The following ZRANB3 variants were observed in gnomAD, a reference collection of about 807,000 sequenced individuals.
ZRANB3 encodes the protein DNA annealing helicase and endonuclease ZRANB3.
Under a neutral mutation model 133.8 loss-of-function variants are expected in ZRANB3, and 125 were observed. The ratio of observed to expected loss-of-function variants is 0.93; its 90% CI spans 0.81 to 1.08. The LOEUF is 1.08. ZRANB3 is among the 50% of genes least tolerant of loss of function. The pLI is 0.00. For missense variants in ZRANB3, 1,229 were observed against 1,275.5 expected, an observed-to-expected ratio of 0.96 and a Z score of 0.56; for synonymous variants, 387 against 432.7, an observed-to-expected ratio of 0.89 and a Z score of 1.31.
intron 6 of ZRANB3, among the ~76,000 whole-genome samples, chr2:135,326,129 A>C (rs761086682): frequency 2.6e-5 from 4 of 152,206 alleles, no homozygotes; most frequent in Non-Finnish European, 5.9e-5. Context: ...AAAGAACCCC[A>C]AAAAACAGTA....
In ZRANB3 at chr2:135,276,767, G is replaced by A. The variant is rs553856054; in HGVS notation, c.967-1012C>T. 5.5e-4 allele frequency among the ~76,000 whole-genome samples: 83 copies of A among 152,278 alleles called. 2 individuals are homozygous for A. In the South Asian group the frequency reaches 0.017, roughly 31 times the overall value. On this transcript the variant is annotated intron_variant, in intron 8 of 20. Transcript: ENST00000264159. ...AAAAAGCAGATAATGACTGATAACT[G>A]ATTAACCAATCTCACAGATCCTAAA...
At chr2:135,456,424 T>C (rs1324386734) in intron 2 of ZRANB3, among the ~76,000 whole-genome samples, 1 of 152,150 alleles carries the variant, frequency 6.6e-6, no homozygotes, top group Non-Finnish European at 1.5e-5. Flanking sequence ...GTAAGGAAAG[T>C]AGGGAAAAGT....
At chr2:135,238,598 A>T (rs1695414873) in intron 12 of ZRANB3, among the ~76,000 whole-genome samples, 1 of 152,030 alleles carries the variant, frequency 6.6e-6, no homozygotes, top group African/African-American at 2.4e-5. Context: ...TCCTGACCTG[A>T]GGTGATCCAC....
intron 12 of ZRANB3, among the ~76,000 whole-genome samples, chr2:135,249,953 G>A (rs1679305261): frequency 6.6e-6 from 1 of 152,226 alleles, no homozygotes; most frequent in South Asian, 2.1e-4. Context: ...AGCGACTTTG[G>A]AACTGGGTAA....
chr2:135,335,898 A>G (rs1296171970), intron 6 of ZRANB3, among the ~76,000 whole-genome samples: 19 of 150,466 alleles, frequency 1.3e-4, no homozygotes, highest in African/African-American at 2.2e-4. Context: ...TTCCAGGGGG[A>G]AAAAAAAACA....
At chr2:135,366,804 G>T (rs966999857) in intron 3 of ZRANB3, among the ~76,000 whole-genome samples, 1 of 152,032 alleles carries the variant, frequency 6.6e-6, no homozygotes, top group Non-Finnish European at 1.5e-5. Context: ...GGATCACGAG[G>T]TCAGGAGATC....
intron 6 of ZRANB3, among the ~76,000 whole-genome samples, chr2:135,333,055 A>C (rs1684222193): frequency 6.6e-6 from 1 of 152,174 alleles, no homozygotes; most frequent in Non-Finnish European, 1.5e-5. Context: ...CCTTAGAGAA[A>C]ACTGGTTCCA....
chr2:135,262,052 T>TG (rs1573781120), intron 12 of ZRANB3, among the ~76,000 whole-genome samples: 1 of 148,338 alleles, frequency 6.7e-6, no homozygotes, highest in African/African-American at 2.5e-5. Flanking sequence ...CTCAGCTACT[T>TG]GGGAGGCTGA....
At chr2:135,223,187 G>T (rs531794335) in intron 15 of ZRANB3, among the ~76,000 whole-genome samples, 1 of 151,694 alleles carries the variant, frequency 6.6e-6, no homozygotes. Context: ...GGAGGCAGAG[G>T]TTGCAGTGAG....
At chr2:135,380,886 C>T (rs1487455156) in intron 3 of ZRANB3, among the ~76,000 whole-genome samples, 1 of 152,050 alleles carries the variant, frequency 6.6e-6, no homozygotes, top group Non-Finnish European at 1.5e-5. Flanking sequence ...CCAAGATGGC[C>T]AAATAGGAAC....
At chr2:135,351,520 C>A (rs1439829331) in intron 4 of ZRANB3, among the ~76,000 whole-genome samples, 1 of 152,070 alleles carries the variant, frequency 6.6e-6, no homozygotes, top group African/African-American at 2.4e-5. Context: ...GGATTACAGG[C>A]GTGAGCCACC....
chr2:135,262,366 A>C (rs1230649733), intron 12 of ZRANB3, among the ~76,000 whole-genome samples: 1 of 152,210 alleles, frequency 6.6e-6, no homozygotes, highest in African/African-American at 2.4e-5. Flanking sequence ...CTTCACATTA[A>C]ATTTTTAATT....
intron 2 of ZRANB3, among the ~76,000 whole-genome samples, chr2:135,488,765 A>T (rs1294159709): frequency 6.6e-6 from 1 of 151,914 alleles, no homozygotes; most frequent in African/African-American, 2.4e-5. Context: ...AAAAACCACA[A>T]TATATGCAAA....
intron 8 of ZRANB3, among the ~76,000 whole-genome samples, chr2:135,309,948 T>C (rs1052064629): frequency 1.3e-5 from 2 of 152,186 alleles, no homozygotes; most frequent in Non-Finnish European, 2.9e-5. Flanking sequence ...TATTTATTTA[T>C]TTTTTGGAGA....
chr2:135,466,613 T>G (rs947193986), intron 2 of ZRANB3, among the ~76,000 whole-genome samples: 1 of 151,960 alleles, frequency 6.6e-6, no homozygotes, highest in Non-Finnish European at 1.5e-5. Flanking sequence ...TCAGTTCTCT[T>G]TTTTATTAAA....
At chr2:135,361,200 T>C (rs1685680623) in intron 3 of ZRANB3, among the ~76,000 whole-genome samples, 1 of 152,238 alleles carries the variant, frequency 6.6e-6, no homozygotes, top group Non-Finnish European at 1.5e-5. Flanking sequence ...TTCAAAGCCC[T>C]GGGCTCTAAC....
Position 135,394,059 on chromosome 2 carries a change from A to G in ZRANB3, c.162-3239T>C, listed in dbSNP as rs950938126. 5.9e-4 allele frequency among the ~76,000 whole-genome samples: 89 copies of G among 151,218 alleles called. 2 individuals are homozygous for G. Among genetic ancestry groups the G allele is most frequent in the Non-Finnish European group, 1.9e-4 (13 of 67,880 alleles). On this transcript the variant is annotated intron_variant, in intron 2 of 20. Transcript: ENST00000264159. The stretch of plus-strand genomic sequence containing the variant: ...TTTTAAGTAGAGACAGGGTTTCACT[A>G]TGGTGGCCAGGCTGGTCTCAAACTC...
intron 2 of ZRANB3, among the ~76,000 whole-genome samples, chr2:135,462,939 T>G (rs2105018075): frequency 6.6e-6 from 1 of 152,336 alleles, no homozygotes; most frequent in Admixed American, 6.5e-5. Context: ...GCTCATTCAC[T>G]AATAACTCTT....
At chr2:135,529,806 C>T (rs867288383) in intron 1 of ZRANB3, among the ~76,000 whole-genome samples, 1 of 151,708 alleles carries the variant, frequency 6.6e-6, no homozygotes, top group Non-Finnish European at 1.5e-5. Context: ...TGAGCCACCG[C>T]GCCTGTCTGC....
Sources: gnomAD v4.1 joint callset for allele counts (sites outside exome capture counted in the v4.1 genomes callset) on GRCh38, gnomAD v4.1.1 for gene constraint, MANE v1.5 for transcripts, NCBI Gene and HGNC (gene_info 2026-07-23, HGNC 2026-07-21) for gene names.